MRPL55: variants seen among roughly 807,000 people sequenced by gnomAD.
MRPL55 encodes the protein large ribosomal subunit protein mL55.
Under a neutral mutation model 10.6 loss-of-function variants are expected in MRPL55, and 7 were observed. That is an observed-to-expected ratio of 0.66 (90% confidence interval 0.38 to 1.24). The LOEUF (loss-of-function observed/expected upper bound fraction) is 1.24, where lower values mean the gene tolerates loss of function less well. MRPL55 is among the 50% of genes most tolerant of loss of function. MRPL55 has a pLI of 0.02. For missense variants in MRPL55, 148 were observed against 180.3 expected (o/e 0.82, Z 1.03); for synonymous variants, 57 against 71.8 (o/e 0.79, Z 1.04).
At position 228,106,701 on chromosome 1, in the gene MRPL55, G is replaced by A. The variant is rs975707735; in HGVS notation, c.*59C>T. On this transcript the variant is annotated 3_prime_UTR_variant, in exon 5 of 5. Transcript: ENST00000336520. ...GACTCCAGGTGGCAGCTTCAAGAACGAGTGATTTAAGAACAGCCCTCCCAT... is the reference window on the plus strand; with the variant it reads ...GACTCCAGGTGGCAGCTTCAAGAACAAGTGATTTAAGAACAGCCCTCCCAT... 14 of 1,542,490 alleles carry A rather than the reference G, an allele frequency of 9.1e-6. No homozygotes were observed. The highest frequency in any genetic ancestry group is 2.3e-5 in the East Asian group (1 of 43,928).
At chr1:228,107,643 G>A (rs1260347894) in intron 4 of MRPL55, 25 bp downstream of exon 4, 1 of 1,610,554 alleles carries the variant, frequency 6.2e-7, no homozygotes, top group South Asian at 1.1e-5. Context: ...CCGGCACCTG[G>A]AAGCACCTGG....
Position 228,107,697 on chromosome 1 carries a change from G to A in MRPL55, c.199C>T (p.Arg67Cys), listed in dbSNP as rs781552083. The change falls in exon 4 of 5, where the codon CGC becomes TGC. Residue 67 changes from arginine to cysteine, a missense_variant. Transcript: ENST00000336520. ...AGCATGCGCCGTGGCTCCCTGTAGC[G>A]GATGTGGATGGTGGAGCCATCCTGC... The part of the protein sequence containing the change: ...VKQDGSTIHI[R>C]YREPRRMLAM... 7.4e-6 allele frequency: 12 copies of A among 1,613,234 alleles called. No individual in the cohort carries two copies. In the East Asian group the frequency reaches 8.9e-5, roughly 12 times the overall value.
chr1:228,107,900 C>T (rs775321014), intron 3 of MRPL55, 31 bp from the exon 4 acceptor site: 26 of 1,610,820 alleles, frequency 1.6e-5, no homozygotes, highest in Middle Eastern at 3.3e-4. Flanking sequence ...TCTGGTCAGC[C>T]GACAGTGCTG....
At position 228,107,675 on chromosome 1, in the gene MRPL55, A is replaced by G. The variant is rs771919827; in HGVS notation, c.221T>C (p.Met74Thr). 1.9e-6 allele frequency: 3 copies of G among 1,612,846 alleles called. No individual in the cohort carries two copies. The highest frequency in any genetic ancestry group is 2.5e-6 in the Non-Finnish European group (3 of 1,179,982). Reference sequence around the variant, plus strand: ...CTGGAGAGGGAAGCTTACCGCCAGCATGCGCCGTGGCTCCCTGTAGCGGAT... The same window carrying G: ...CTGGAGAGGGAAGCTTACCGCCAGCGTGCGCCGTGGCTCCCTGTAGCGGAT... ...IHIRYREPRR[M>T]LAMPIDLDTL... Residue 74 changes from methionine to threonine, a missense_variant, in exon 4 of 5, where the codon ATG (methionine) becomes ACG (threonine). By Grantham distance (81) the Met-to-Thr change is moderately conservative (BLOSUM62 -1). Coordinates refer to ENST00000336520, the MANE Select transcript of MRPL55 (RefSeq NM_181463.3).
chr1:228,108,338 G>C lies in MRPL55; in HGVS notation c.-58-20C>G, dbSNP rs2033421151. On this transcript the variant is annotated intron_variant, in intron 2 of 4. Coordinates refer to ENST00000336520, the MANE Select transcript of MRPL55 (RefSeq NM_181463.3). The stretch of plus-strand genomic sequence containing the variant: ...TGCAACCTGCTAGGCAGAGAATGAA[G>C]AGATCTTTTTTAAAAGGAAGGTTCT... The C allele has an allele frequency of 6.9e-7, 1 of 1,450,334 alleles. No homozygotes were observed. The highest frequency in any genetic ancestry group is 1.4e-5 in the African/African-American group (1 of 70,402). 89.8% of individuals were successfully genotyped at this position (1,450,334 alleles called of 1,614,324 possible). A position where few individuals can be genotyped will look rare whatever the true frequency, so the allele number is the denominator to read the frequency against.
chr1:228,107,701 G>A lies in MRPL55; in HGVS notation c.195C>T (p.His65=), dbSNP rs756489204. The change falls in exon 4 of 5, where the codon CAC becomes CAT. Residue 65 remains histidine (H), a synonymous_variant. Transcript: ENST00000336520. ...LLVKQDGSTI[H]IRYREPRRML... ...TGCGCCGTGGCTCCCTGTAGCGGATGTGGATGGTGGAGCCATCCTGCTTCA... is the reference window on the plus strand; with the variant it reads ...TGCGCCGTGGCTCCCTGTAGCGGATATGGATGGTGGAGCCATCCTGCTTCA... 22 of 1,613,044 alleles carry A rather than the reference G, an allele frequency of 1.4e-5. No homozygotes were observed. Among genetic ancestry groups the A allele is most frequent in the Non-Finnish European group, 1.8e-5 (21 of 1,180,030 alleles).
chr1:228,107,574 C>G, intron 4 of MRPL55, 94 bp downstream of exon 4: 1 of 1,129,416 alleles, frequency 8.9e-7, no homozygotes, highest in Non-Finnish European at 1.3e-6. Context: ...TGACCACAGC[C>G]ACATGTCCAT....
Position 228,108,039 on chromosome 1 carries a change from G to A in MRPL55, c.27-170C>T, listed in dbSNP as rs1025749882. 9 of 1,543,732 alleles carry A rather than the reference G, an allele frequency of 5.8e-6. No individual in the cohort carries two copies. In the African/African-American group the frequency reaches 1.1e-4, roughly 19 times the overall value. ...GGGGCTTCCTCAGGAGCCACAGGCT[G>A]TGGTCAGAGGCGTTCTGGCCCCCTA... On this transcript the variant is annotated intron_variant, in intron 3 of 4. Transcript: ENST00000336520.
rs1489693428 is a variant in MRPL55, at chr1:228,107,578, T to C, written c.228+90A>G. 3.5e-6 allele frequency: 4 copies of C among 1,156,490 alleles called. No individual in the cohort carries two copies. In the Admixed American group the frequency reaches 7.8e-5, roughly 23 times the overall value. 71.6% of individuals were successfully genotyped at this position (1,156,490 alleles called of 1,614,324 possible). A position where few individuals can be genotyped will look rare whatever the true frequency, so the allele number is the denominator to read the frequency against. On this transcript the variant is annotated intron_variant, in intron 4 of 4. Transcript: ENST00000336520. ...ATGTGGTACAGTGACCACAGCCACA[T>C]GTCCATCCGAAGGCGACTGGTCACC...
Position 228,107,811 on chromosome 1 carries a change from A to AT in MRPL55, c.84dup (p.Ser29IlefsTer6). 1 of 1,613,206 alleles carries AT rather than the reference A, an allele frequency of 6.2e-7. No individual in the cohort carries two copies. Among genetic ancestry groups the AT allele is most frequent in the Non-Finnish European group, 8.5e-7 (1 of 1,180,022 alleles). On this transcript the variant is annotated frameshift_variant, in exon 4 of 5. Coordinates refer to ENST00000336520, the MANE Select transcript of MRPL55 (RefSeq NM_181463.3). LOFTEE classifies it high-confidence loss of function. ...CTGCTGCTGTCAGCTCGCCAGGAGGATGTGTGCAGGCGGCGGAGTGCAGGT... is the reference window on the plus strand; with the variant it reads ...CTGCTGCTGTCAGCTCGCCAGGAGGATTGTGTGCAGGCGGCGGAGTGCAGGT...
intron 4 of MRPL55, among the ~76,000 whole-genome samples, chr1:228,107,415 C>A (rs1164127707): frequency 1.3e-5 from 2 of 152,144 alleles, no homozygotes; most frequent in South Asian, 4.1e-4. Context: ...CAGAGCAAGA[C>A]CCTGTCTCAA....
Position 228,106,825 on chromosome 1 carries a change from G to A in MRPL55, c.322C>T (p.Gln108Ter). The change falls in exon 5 of 5, where the codon CAG becomes TAG. Residue 108 changes from glutamine to a stop codon, truncating the protein, a stop_gained. Transcript: ENST00000336520. LOFTEE classifies it high-confidence loss of function. ...AQLQSRKEYE[Q>*]ELSDDLHVER... ...ACATGCAAGTCATCACTGAGCTCCT[G>A]CTCGTACTCCTTCCTCGACTGGAGC... The A allele has an allele frequency of 6.2e-7, 1 of 1,614,008 alleles. No individual in the cohort carries two copies. The highest frequency in any genetic ancestry group is 8.5e-7 in the Non-Finnish European group (1 of 1,180,018).
rs970756365 is a variant in MRPL55 at position 228,107,020 on chromosome 1, T to C, written c.229-102A>G. The C allele has an allele frequency of 4.9e-6, 4 of 811,520 alleles. No homozygotes were observed. In the East Asian group the frequency reaches 7.6e-5, roughly 15 times the overall value. The allele number at this position is 811,520 out of a possible 1,614,324, so 50.3% of individuals were successfully genotyped here. On this transcript the variant is annotated intron_variant, in intron 4 of 4. Transcript: ENST00000336520. The stretch of plus-strand genomic sequence containing the variant: ...TCCTCTCAACTTACGTCTTCCATCC[T>C]ATGCTAGCTTAATTTTCAAACATTC...
chr1:228,106,851 T>C lies in MRPL55; in HGVS notation c.296A>G (p.Gln99Arg). 1 of 1,613,956 alleles carries C rather than the reference T, an allele frequency of 6.2e-7. No homozygotes were observed. The highest frequency in any genetic ancestry group is 1.3e-5 in the African/African-American group (1 of 75,064). Residue 99 changes from glutamine (Q) to arginine (R), a missense_variant, in exon 5 of 5, where the codon CAG becomes CGG. Coordinates refer to ENST00000336520, the MANE Select transcript of MRPL55 (RefSeq NM_181463.3). Reference protein sequence around the residue: ...RRARLRKREAQLQSRKEYEQE... With the variant: ...RRARLRKREARLQSRKEYEQE... Reference sequence around the variant, plus strand: ...CTCGTACTCCTTCCTCGACTGGAGCTGAGCCTCACGCTTCCGCAGCCTGGC... The same window carrying C: ...CTCGTACTCCTTCCTCGACTGGAGCCGAGCCTCACGCTTCCGCAGCCTGGC...
chr1:228,108,583 A>C, intron 2 of MRPL55: 1 of 386,786 alleles, frequency 2.6e-6, no homozygotes, highest in East Asian at 4.3e-5. Context: ...AGTCTGCGAA[A>C]CCTCTCTGAA....
chr1:228,109,096 C>G (rs1339600993), intron 1 of MRPL55, 53 bp downstream of exon 1: 2 of 152,486 alleles, frequency 1.3e-5, no homozygotes, highest in Non-Finnish European at 2.9e-5. Flanking sequence ...CCGACTCCAC[C>G]GGGAGGGTAC....
At position 228,107,799 on chromosome 1, in the gene MRPL55, C is replaced by G; in HGVS notation, c.97G>C (p.Ala33Pro). The G allele has an allele frequency of 6.2e-7, 1 of 1,613,270 alleles. No homozygotes were observed. The highest frequency in any genetic ancestry group is 8.5e-7 in the Non-Finnish European group (1 of 1,180,028). Residue 33 changes from alanine (A) to proline (P), a missense_variant, in exon 4 of 5, where the codon GCT (alanine) becomes CCT (proline). Physicochemically the swap from Ala to Pro is conservative, Grantham distance 27. Transcript: ENST00000336520. ...LRRLHTSSWR[A>P]DSSRASLTRV... Reference sequence around the variant, plus strand: ...GTGAGTGAGGCCCTGCTGCTGTCAGCTCGCCAGGAGGATGTGTGCAGGCGG... The same window carrying G: ...GTGAGTGAGGCCCTGCTGCTGTCAGGTCGCCAGGAGGATGTGTGCAGGCGG...
rs745358216 is a variant in MRPL55, at chr1:228,107,802, G to A, written c.94C>T (p.Arg32Ter). 8.7e-6 allele frequency: 14 copies of A among 1,613,234 alleles called. No individual in the cohort carries two copies. Among genetic ancestry groups the A allele is most frequent in the Non-Finnish European group, 1.2e-5 (14 of 1,180,026 alleles). Residue 32 changes from arginine (R) to a stop codon, truncating the protein, a stop_gained, in exon 4 of 5, where the codon CGA becomes TGA. Transcript: ENST00000336520. LOFTEE classifies it high-confidence loss of function. ...AGTGAGGCCCTGCTGCTGTCAGCTC[G>A]CCAGGAGGATGTGTGCAGGCGGCGG... Reference protein sequence around the residue: ...ALRRLHTSSWRADSSRASLTR... With the variant: ...ALRRLHTSSW
At chr1:228,107,348 C>T (rs2033239811) in intron 4 of MRPL55, among the ~76,000 whole-genome samples, 1 of 152,226 alleles carries the variant, frequency 6.6e-6, no homozygotes, top group Non-Finnish European at 1.5e-5. Flanking sequence ...CGCATGAGCC[C>T]AGGGGGTCAG....
Sources: allele counts gnomAD v4.1 joint callset (sites outside exome capture counted in the v4.1 genomes callset), GRCh38; gene constraint gnomAD v4.1.1; transcripts MANE v1.5; gene names NCBI Gene and HGNC (gene_info 2026-07-23, HGNC 2026-07-21).